Variants in MDFIC observed in about 807,000 individuals in gnomAD.
The protein encoded by MDFIC is MyoD family inhibitor domain containing.
In MDFIC, 17 loss-of-function variants were observed where a neutral mutation model predicts 23.2. The ratio of observed to expected loss-of-function variants is 0.73; its 90% confidence interval spans 0.50 to 1.10. The LOEUF is 1.10. Among genes scored for constraint, MDFIC ranks in the 50% least tolerant of loss-of-function variants. MDFIC has a pLI of 0.00. For synonymous variants in MDFIC, 120 were observed against 115.2 expected (o/e 1.04, Z -0.27); for missense variants, 356 against 316.6 (o/e 1.12, Z -0.95).
chr7:114,972,054 C>T (rs2594452), intron 3 of MDFIC, among the ~76,000 whole-genome samples: 61,871 of 151,806 alleles, frequency 0.41, 13,086 homozygotes, highest in South Asian at 0.54. Context: ...GGGTTAGAGG[C>T]TGGGAAGCTA....
chr7:114,938,597 T>C (rs933758458), intron 2 of MDFIC, among the ~76,000 whole-genome samples: 9 of 152,190 alleles, frequency 5.9e-5, no homozygotes, highest in African/African-American at 2.2e-4. Context: ...GTTCTAACCC[T>C]GAGCCAAAGT....
Position 114,927,871 on chromosome 7 carries a change from G to A in MDFIC, c.94+4744G>A, listed in dbSNP as rs1392884628. On this transcript the variant is annotated intron_variant, in intron 2 of 4. Transcript: ENST00000393486. ...TGTGTGCTTTTAATGGTAACTCACAGAAAACATACTATTATAAAACTGGCA... is the reference window on the plus strand; with the variant it reads ...TGTGTGCTTTTAATGGTAACTCACAAAAAACATACTATTATAAAACTGGCA... Among the ~76,000 whole-genome samples, 3 of 152,142 alleles carry A rather than the reference G, an allele frequency of 2.0e-5. No homozygotes were observed. In the East Asian group the frequency reaches 5.8e-4, roughly 29 times the overall value.
rs148149281 is a variant in MDFIC, at chr7:114,978,635, T to C, written c.218-871T>C. 5.5e-3 allele frequency among the ~76,000 whole-genome samples: 844 copies of C among 152,196 alleles called. 8 individuals are homozygous for C. The highest frequency in any genetic ancestry group is 0.015 in the African/African-American group (643 of 41,564). ...ATTTTATATGGTTGTGTATCAATCT[T>C]GCTACATTTTTAGACTTTCAGTTTT... On this transcript the variant is annotated intron_variant, in intron 3 of 4. Coordinates refer to ENST00000393486, the MANE Select transcript of MDFIC (RefSeq NM_001166345.3).
At chr7:114,931,239 T>A (rs920088025) in intron 2 of MDFIC, among the ~76,000 whole-genome samples, 1 of 152,216 alleles carries the variant, frequency 6.6e-6, no homozygotes, top group South Asian at 2.1e-4. Context: ...TCACTTAGGG[T>A]TTGCTAAGTA....
At chr7:114,973,521 G>A (rs1793249406) in intron 3 of MDFIC, among the ~76,000 whole-genome samples, 2 of 152,170 alleles carry the variant, frequency 1.3e-5, no homozygotes, top group Admixed American at 1.3e-4. Flanking sequence ...GCAAGGGAAA[G>A]CTGAGAAATG....
At chr7:114,998,319 C>G (rs1197645914) in intron 4 of MDFIC, among the ~76,000 whole-genome samples, 1 of 152,102 alleles carries the variant, frequency 6.6e-6, no homozygotes, top group Non-Finnish European at 1.5e-5. Flanking sequence ...ATAGTAAAAC[C>G]TTATCTCAGA....
chr7:115,003,357 AT>A (rs1324326562), intron 4 of MDFIC, among the ~76,000 whole-genome samples: 1 of 152,038 alleles, frequency 6.6e-6, no homozygotes, highest in African/African-American at 2.4e-5. Context: ...CCTTTTGAAC[AT>A]TTTCATTTGA....
chr7:114,973,179 T>A (rs1793242525), intron 3 of MDFIC, among the ~76,000 whole-genome samples: 1 of 151,818 alleles, frequency 6.6e-6, no homozygotes, highest in African/African-American at 2.4e-5. Context: ...TAGGCCTTGA[T>A]AGAAGCTATT....
At chr7:114,950,368 G>T (rs886623851) in intron 3 of MDFIC, among the ~76,000 whole-genome samples, 36 of 152,286 alleles carry the variant, frequency 2.4e-4, no homozygotes, top group Non-Finnish European at 2.1e-4. Context: ...TTGGACAAGT[G>T]ATAGTTGTGA....
intron 4 of MDFIC, among the ~76,000 whole-genome samples, chr7:115,009,750 A>C (rs963180018): frequency 6.6e-6 from 1 of 152,212 alleles, no homozygotes; most frequent in Non-Finnish European, 1.5e-5. Context: ...GTAGGACTCA[A>C]AGATTTTGTT....
intron 3 of MDFIC, among the ~76,000 whole-genome samples, chr7:114,963,165 A>G (rs1241137397): frequency 6.6e-6 from 1 of 152,232 alleles, no homozygotes; most frequent in African/African-American, 2.4e-5. Flanking sequence ...TTATAAATGA[A>G]TAATTTATAA....
chr7:114,925,672 C>A (rs1359909614), intron 2 of MDFIC, among the ~76,000 whole-genome samples: 1 of 152,118 alleles, frequency 6.6e-6, no homozygotes, highest in East Asian at 1.9e-4. Context: ...AGCTCATGGG[C>A]CAGGAAACAA....
intron 4 of MDFIC, among the ~76,000 whole-genome samples, chr7:115,008,783 T>C (rs1268068689): frequency 1.3e-5 from 2 of 152,226 alleles, no homozygotes; most frequent in African/African-American, 4.8e-5. Flanking sequence ...ATCTCGGCTG[T>C]GATTCAGGAT....
At chr7:114,932,570 A>G (rs1197010468) in intron 2 of MDFIC, among the ~76,000 whole-genome samples, 1 of 152,256 alleles carries the variant, frequency 6.6e-6, no homozygotes, top group Non-Finnish European at 1.5e-5. Context: ...TCAAATCTGT[A>G]GCTCAAGATA....
chr7:114,933,160 A>C (rs1222977467), intron 2 of MDFIC, among the ~76,000 whole-genome samples: 1 of 152,226 alleles, frequency 6.6e-6, no homozygotes, highest in African/African-American at 2.4e-5. Flanking sequence ...AAGGTTTTTA[A>C]AACTGTGGTG....
At chr7:114,941,773 A>G (rs1215893860) in intron 2 of MDFIC, among the ~76,000 whole-genome samples, 1 of 152,170 alleles carries the variant, frequency 6.6e-6, no homozygotes, top group East Asian at 1.9e-4. Flanking sequence ...GATGCATTAC[A>G]CAGTCCTTGA....
chr7:114,938,287 T>C (rs978581080), intron 2 of MDFIC, among the ~76,000 whole-genome samples: 1 of 152,180 alleles, frequency 6.6e-6, no homozygotes, highest in African/African-American at 2.4e-5. Flanking sequence ...TATCCTTACA[T>C]GGAGACAGAA....
At chr7:114,950,139 G>A (rs1792734864) in intron 3 of MDFIC, among the ~76,000 whole-genome samples, 1 of 152,154 alleles carries the variant, frequency 6.6e-6, no homozygotes, top group African/African-American at 2.4e-5. Flanking sequence ...TCTGGAAATA[G>A]TGAGAAAATA....
At chr7:114,961,081 G>A (rs536344567) in intron 3 of MDFIC, among the ~76,000 whole-genome samples, 6 of 152,098 alleles carry the variant, frequency 3.9e-5, no homozygotes, top group African/African-American at 1.2e-4. Flanking sequence ...GGTTTCCTCC[G>A]CACCACCCCT....
Sources: allele counts gnomAD v4.1 joint callset (sites outside exome capture counted in the v4.1 genomes callset), GRCh38; gene constraint gnomAD v4.1.1; transcripts MANE v1.5; gene names NCBI Gene and HGNC (gene_info 2026-07-23, HGNC 2026-07-21).